The following BLOC1S6 variants were observed in gnomAD, a reference collection of about 807,000 sequenced individuals.
BLOC1S6 encodes the protein biogenesis of lysosomal organelles complex 1 subunit 6, also known as biogenesis of lysosome-related organelles complex 1 subunit 6.
BLOC1S6 carries 24 observed loss-of-function variants against 24.7 expected under a neutral mutation model. The observed-to-expected ratio is 0.97, with a 90% confidence interval of 0.70 to 1.37. The LOEUF is 1.37. Among genes scored for constraint, BLOC1S6 ranks in the 40% most tolerant of loss-of-function variants. The pLI, the probability that BLOC1S6 is intolerant of heterozygous loss-of-function variation, is 0.00. For synonymous variants in BLOC1S6, 76 were observed against 72.6 expected (o/e 1.05, Z -0.23); for missense variants, 175 against 196.2 (o/e 0.89, Z 0.64).
intron 4 of BLOC1S6, 54 bp downstream of exon 4, chr15:45,605,568 T>G (rs1894422075): frequency 4.4e-6 from 6 of 1,369,906 alleles, no homozygotes; most frequent in African/African-American, 1.6e-5. Context: ...TAATTGTTTT[T>G]TGTTGTTTTT....
chr15:45,587,199 C>T (rs528659870), upstream of BLOC1S6: 2 of 578,494 alleles, frequency 3.5e-6, no homozygotes, highest in South Asian at 3.8e-5. Context: ...GACTCGAGCC[C>T]CACACTGCTG....
intron 2 of BLOC1S6, among the ~76,000 whole-genome samples, chr15:45,597,254 A>T (rs547995453): frequency 1.3e-5 from 2 of 152,242 alleles, no homozygotes; most frequent in South Asian, 2.1e-4. Context: ...GGGCAGAAGG[A>T]TCTCTTGAGG....
intron 2 of BLOC1S6, among the ~76,000 whole-genome samples, chr15:45,600,290 C>T (rs1894227561): frequency 6.6e-6 from 1 of 150,716 alleles, no homozygotes; most frequent in African/African-American, 2.4e-5. Context: ...ACGTAACTAA[C>T]CTGCACAATG....
chr15:45,605,556 TTTAA>T (rs1894421126), intron 4 of BLOC1S6, 42 bp downstream of exon 4: 1 of 1,388,314 alleles, frequency 7.2e-7, no homozygotes, highest in African/African-American at 1.5e-5. Context: ...AAAGTAGAGG[TTTAA>T]TTGTTTTTTG....
At chr15:45,588,588 C>G (rs981442763) in intron 1 of BLOC1S6, among the ~76,000 whole-genome samples, 4 of 152,210 alleles carry the variant, frequency 2.6e-5, no homozygotes, top group Non-Finnish European at 5.9e-5. Flanking sequence ...TGGTTCACCT[C>G]CAGTCTTACT....
chr15:45,587,612 G>A, intron 1 of BLOC1S6, 87 bp downstream of exon 1: 1 of 1,356,598 alleles, frequency 7.4e-7, no homozygotes, highest in East Asian at 2.5e-5. Flanking sequence ...AAACCCTGGG[G>A]GAGTAAGCGG....
chr15:45,604,819 C>T (rs1894392999), intron 3 of BLOC1S6, among the ~76,000 whole-genome samples: 1 of 152,178 alleles, frequency 6.6e-6, no homozygotes, highest in Non-Finnish European at 1.5e-5. Flanking sequence ...CCATCTTCTC[C>T]TGACATAAGA....
intron 2 of BLOC1S6, among the ~76,000 whole-genome samples, chr15:45,595,055 G>C (rs1289822537): frequency 1.8e-4 from 28 of 152,232 alleles, no homozygotes; most frequent in African/African-American, 6.3e-4. Context: ...TCCTCTCCCA[G>C]TGAGAGGAAA....
chr15:45,592,995 TAA>T (rs1272339430), intron 2 of BLOC1S6, among the ~76,000 whole-genome samples: 1 of 152,108 alleles, frequency 6.6e-6, no homozygotes, highest in Admixed American at 6.5e-5. Context: ...AAAACTTACT[TAA>T]GAGGCCTTTA....
At chr15:45,588,796 T>A (rs1893780961) in intron 1 of BLOC1S6, among the ~76,000 whole-genome samples, 1 of 152,258 alleles carries the variant, frequency 6.6e-6, no homozygotes, top group South Asian at 2.1e-4. Flanking sequence ...ATATGCCCCA[T>A]GCCTCTCCAG....
At chr15:45,587,794 C>A in intron 1 of BLOC1S6, 1 of 701,864 alleles carries the variant, frequency 1.4e-6, no homozygotes, top group Non-Finnish European at 2.6e-6. Flanking sequence ...TGTGTTGACT[C>A]CGGTACGTCA....
intron 2 of BLOC1S6, among the ~76,000 whole-genome samples, chr15:45,594,668 CTG>C (rs1329890493): frequency 6.6e-6 from 1 of 152,128 alleles, no homozygotes; most frequent in East Asian, 1.9e-4. Context: ...ACTGCAACCT[CTG>C]CCTCCTGGGT....
At chr15:45,588,197 A>G (rs754946738) in intron 1 of BLOC1S6, among the ~76,000 whole-genome samples, 4 of 152,250 alleles carry the variant, frequency 2.6e-5, no homozygotes, top group Non-Finnish European at 4.4e-5. Flanking sequence ...TTTCAGAAAT[A>G]TAGGGGTTAC....
intron 2 of BLOC1S6, among the ~76,000 whole-genome samples, chr15:45,601,721 T>C (rs1411327177): frequency 2.6e-5 from 4 of 152,168 alleles, no homozygotes; most frequent in African/African-American, 9.7e-5. Context: ...CATTGATTTT[T>C]TTGTTTTCCC....
Position 45,608,556 on chromosome 15 carries a change from TGTTTTTAAAGTTTCCCCCA to T in BLOC1S6, c.*2045_*2063del, listed in dbSNP as rs1000760693. 1.1e-4 allele frequency: 17 copies of T among 152,260 alleles called. No individual in the cohort carries two copies. The highest frequency in any genetic ancestry group is 4.1e-4 in the African/African-American group (17 of 41,474). 9.4% of individuals were successfully genotyped at this position (152,260 alleles called of 1,614,324 possible). A position where few individuals can be genotyped will look rare whatever the true frequency, so the allele number is the denominator to read the frequency against. On this transcript the variant is annotated 3_prime_UTR_variant, in exon 5 of 5. Transcript: ENST00000220531. ...TCTTTGTTTGTTTTGCTTTGCTTTT[TGTTTTTAAAGTTTCCCCCA>T]GTGATTCCAGTGCACCTGAAAAGTT... is the stretch of plus-strand genomic sequence containing the variant.
chr15:45,593,408 A>T (rs1448118741), intron 2 of BLOC1S6, among the ~76,000 whole-genome samples: 1 of 150,482 alleles, frequency 6.6e-6, no homozygotes, highest in Non-Finnish European at 1.5e-5. Flanking sequence ...AAAAAAAAAA[A>T]GTGGTACTGG....
In BLOC1S6 at chr15:45,594,599, T is replaced by A. The variant is rs144667261; in HGVS notation, c.224+2323T>A. On this transcript the variant is annotated intron_variant, in intron 2 of 4. Coordinates refer to ENST00000220531, the MANE Select transcript of BLOC1S6 (RefSeq NM_012388.4). ...TATTCTCTGGAACTTTCTCCCTTTT[T>A]TTGAGACTGAGTCTCATTCTGTCAT... 1.0e-3 allele frequency among the ~76,000 whole-genome samples: 155 copies of A among 152,328 alleles called. 1 individual carries two copies. The highest frequency in any genetic ancestry group is 3.5e-3 in the African/African-American group (144 of 41,580).
chr15:45,606,261 A>C, intron 4 of BLOC1S6, 134 bp from the exon 5 acceptor site: 1 of 1,314,870 alleles, frequency 7.6e-7, no homozygotes. Flanking sequence ...AAATTATCCC[A>C]AATTTAAATG....
intron 3 of BLOC1S6, among the ~76,000 whole-genome samples, chr15:45,603,431 T>A (rs775534104): frequency 3.3e-5 from 5 of 152,214 alleles, no homozygotes; most frequent in Non-Finnish European, 7.3e-5. Context: ...GAACTTAGAC[T>A]TGGCATAGTG....
Sources: allele counts gnomAD v4.1 joint callset (sites outside exome capture counted in the v4.1 genomes callset), GRCh38; gene constraint gnomAD v4.1.1; transcripts MANE v1.5; gene names NCBI Gene and HGNC (gene_info 2026-07-23, HGNC 2026-07-21).